ARMCX4: variants seen among roughly 807,000 people sequenced by gnomAD.
ARMCX4 encodes the protein armadillo repeat containing X-linked 4.
A neutral mutation model predicts 34.7 loss-of-function variants in ARMCX4; 3 were observed. That is an observed-to-expected ratio of 0.09 (90% CI 0.04 to 0.22). The LOEUF (loss-of-function observed/expected upper bound fraction) is 0.22. ARMCX4 is among the 10% of genes least tolerant of loss of function. ARMCX4 has a pLI of 1.00. For synonymous variants in ARMCX4, 513 were observed against 632.8 expected (o/e 0.81, Z 2.84); for missense variants, 1,448 against 1,720.8 (o/e 0.84, Z 2.81).
rs1335446924 is a variant in ARMCX4, at chrX:101,490,942, A to G, written c.2353A>G (p.Thr785Ala). The change falls in exon 6 of 6, where the codon ACA becomes GCA. Residue 785 changes from threonine (T) to alanine (A), a missense_variant. Transcript: ENST00000423738. ...TAAGGCAGAAGCTGGGATGGGTGCA[A>G]CAGGCTCTGTCCAGCCCCAGGCTGT... ...VSKAEAGMGA[T>A]GSVQPQAVAN... The G allele has an allele frequency of 1.7e-6, 2 of 1,152,330 alleles. No homozygotes were observed. The highest frequency in any genetic ancestry group is 1.1e-6 in the Non-Finnish European group (1 of 872,198). The allele number at this position is 1,152,330 out of a possible 1,213,427, so 95.0% of individuals were successfully genotyped here.
Position 101,491,784 on chromosome X carries a change from G to A in ARMCX4, c.3195G>A (p.Lys1065=), listed in dbSNP as rs782438503. ...CAGCAGAAGATGAGGCCTATGCAAA[G>A]CCTGAGGCTGAGGCCATGCCCACTT... The part of the protein sequence containing the change: ...EATAEDEAYA[K]PEAEAMPTSE... Residue 1065 remains lysine, a synonymous_variant, in exon 6 of 6, where the codon AAG becomes AAA. Coordinates refer to ENST00000423738, the MANE Select transcript of ARMCX4 (RefSeq NM_001256155.3). The A allele has an allele frequency of 5.2e-6, 6 of 1,155,843 alleles. No homozygotes were observed. The East Asian group carries it at 2.0e-4, about 38-fold the overall frequency.
intron 4 of ARMCX4, 58 bp from the exon 5 acceptor site, chrX:101,487,986 C>T: frequency 1.5e-6 from 1 of 660,546 alleles, no homozygotes; most frequent in Non-Finnish European, 2.1e-6. Context: ...ATCTGTCCCT[C>T]CATCTGTCTG....
In ARMCX4 at chrX:101,480,171, CACACAT is replaced by C. The variant is rs1315708953; in HGVS notation, c.-472-5850_-472-5845del. On this transcript the variant is annotated intron_variant and NMD_transcript_variant, in intron 4 of 15. Coordinates refer to the ARMCX4 transcript ENST00000433011. The stretch of plus-strand genomic sequence containing the variant: ...ACACACACACACACACACACACACA[CACACAT>C]ATATATGCAATGACCCAGAAGCCAT... 1.9e-4 allele frequency among the ~76,000 whole-genome samples: 20 copies of C among 105,367 alleles called. 1 individual carries two copies. The highest frequency in any genetic ancestry group is 6.6e-4 in the African/African-American group (18 of 27,314). The allele number at this position is 105,367 out of a possible 115,157, so 91.5% of individuals were successfully genotyped here.
chrX:101,495,478 C>A lies in ARMCX4; in HGVS notation c.*16C>A. Reference sequence around the variant, plus strand: ...TAAACTCTGATTGGCTGTATGTTCCCAAACAAATTTGAGTAATATTTTGGT... The same window carrying A: ...TAAACTCTGATTGGCTGTATGTTCCAAAACAAATTTGAGTAATATTTTGGT... On this transcript the variant is annotated 3_prime_UTR_variant, in exon 6 of 6. Transcript: ENST00000423738. 9.2e-7 allele frequency: 1 copy of A among 1,087,976 alleles called. No individual in the cohort carries two copies. Among genetic ancestry groups the A allele is most frequent in the South Asian group, 2.4e-5 (1 of 41,725 alleles). The allele number at this position is 1,087,976 out of a possible 1,213,427, so 89.7% of individuals were successfully genotyped here.
chrX:101,444,906 A>G (rs1931534664), intron 3 of ARMCX4, among the ~76,000 whole-genome samples: 1 of 111,507 alleles, frequency 9.0e-6, no homozygotes, highest in Non-Finnish European at 1.9e-5. Context: ...ATTATTGACT[A>G]TAATCACTAT....
intron 11 of ARMCX4, among the ~76,000 whole-genome samples, chrX:101,525,669 C>T (rs1039874065): frequency 2.0e-4 from 22 of 110,932 alleles, no homozygotes; most frequent in Admixed American, 2.9e-4. Flanking sequence ...AACTACATGA[C>T]GTATGTACAA....
intron 2 of ARMCX4, among the ~76,000 whole-genome samples, chrX:101,436,297 G>C (rs1370162928): frequency 1.8e-5 from 2 of 110,966 alleles, no homozygotes; most frequent in African/African-American, 6.5e-5. Flanking sequence ...TCTTCCATTT[G>C]TTTGTATCCT....
At chrX:101,438,758 T>G (rs1309933241) in intron 2 of ARMCX4, among the ~76,000 whole-genome samples, 1 of 111,456 alleles carries the variant, frequency 9.0e-6, no homozygotes, top group Admixed American at 9.6e-5. Context: ...CTTTGTTGGT[T>G]TAAAGTCTGT....
At chrX:101,526,914 A>T (rs1038604377) in intron 11 of ARMCX4, among the ~76,000 whole-genome samples, 18 of 111,782 alleles carry the variant, frequency 1.6e-4, no homozygotes, top group Non-Finnish European at 3.0e-4. Context: ...TCAACATTAG[A>T]TAGATCAATG....
intron 4 of ARMCX4, among the ~76,000 whole-genome samples, chrX:101,469,789 A>G (rs1932859446): frequency 9.0e-6 from 1 of 111,357 alleles, no homozygotes; most frequent in Admixed American, 9.5e-5. Context: ...ATTGAGGACT[A>G]GCTAAAATAG....
chrX:101,434,923 T>A (rs1300198355), intron 2 of ARMCX4, among the ~76,000 whole-genome samples: 1 of 110,175 alleles, frequency 9.1e-6, no homozygotes, highest in Non-Finnish European at 1.9e-5. Flanking sequence ...TTGCTGAGAA[T>A]GATGGTTTCC....
chrX:101,523,823 A>G (rs1934904990), intron 11 of ARMCX4, among the ~76,000 whole-genome samples: 1 of 112,261 alleles, frequency 8.9e-6, no homozygotes, highest in Non-Finnish European at 1.9e-5. Context: ...TTTTTCTCCT[A>G]CTTACTTGAC....
intron 11 of ARMCX4, among the ~76,000 whole-genome samples, chrX:101,515,744 G>T (rs1444604082): frequency 9.3e-6 from 1 of 107,606 alleles, no homozygotes; most frequent in African/African-American, 3.4e-5. Flanking sequence ...GTTTTGCTAT[G>T]TTGGTCAATC....
rs781978989 is a variant in ARMCX4, at chrX:101,471,436, G to C, written c.-472-14587G>C. Among the ~76,000 whole-genome samples the C allele has an allele frequency of 4.5e-5, 5 of 112,099 alleles. No individual in the cohort carries two copies. In the South Asian group the frequency reaches 1.8e-3, roughly 41 times the overall value. Reference sequence around the variant, plus strand: ...AATTTTTTATGCTAGAAACCTTATGGCTTTGGCTTCTACTTCTAGTATGCT... The same window carrying C: ...AATTTTTTATGCTAGAAACCTTATGCCTTTGGCTTCTACTTCTAGTATGCT... On this transcript the variant is annotated intron_variant and NMD_transcript_variant, in intron 4 of 15. Coordinates refer to the ARMCX4 transcript ENST00000433011.
chrX:101,419,465 CAAA>C (rs1192018691), intron 2 of ARMCX4, among the ~76,000 whole-genome samples: 1 of 111,935 alleles, frequency 8.9e-6, no homozygotes, highest in Non-Finnish European at 1.9e-5. Context: ...AATTATAACT[CAAA>C]GAAGCTCTTA....
At chrX:101,449,756 G>A (rs782227631), downstream of ARMCX4, among the ~76,000 whole-genome samples, 1 of 111,577 alleles carries the variant, frequency 9.0e-6, no homozygotes, top group Non-Finnish European at 1.9e-5. Flanking sequence ...TTCCCTAGAT[G>A]GTCTTGATGC....
At position 101,492,690 on chromosome X, in the gene ARMCX4, C is replaced by A. The variant is rs782063729; in HGVS notation, c.4101C>A (p.Gly1367=). 3.9e-5 allele frequency: 43 copies of A among 1,103,982 alleles called. No homozygotes were observed. The highest frequency in any genetic ancestry group is 2.0e-4 in the Admixed American group (7 of 35,066). The allele number at this position is 1,103,982 out of a possible 1,213,427, so 91.0% of individuals were successfully genotyped here. A position where few individuals can be genotyped will look rare whatever the true frequency, so the allele number is the denominator to read the frequency against. The change falls in exon 6 of 6, where the codon GGC becomes GGA. Residue 1367 remains glycine (G), a synonymous_variant. Coordinates refer to ENST00000423738, the MANE Select transcript of ARMCX4 (RefSeq NM_001256155.3). ...AAGCCAGTGGAGGGTCTAGGCTGGG[C>A]CACGTAGATCAGTCCAGTGGTGGGG... ...ADQASGGSRL[G]HVDQSSGGAW... is the part of the protein sequence containing the mutation.
intron 4 of ARMCX4, among the ~76,000 whole-genome samples, chrX:101,453,494 G>A (rs1007382989): frequency 1.8e-5 from 2 of 111,894 alleles, no homozygotes; most frequent in African/African-American, 3.3e-5. Context: ...AGGCTTTCAC[G>A]TGGTGCTGAT....
chrX:101,463,257 T>C (rs1932700058), intron 4 of ARMCX4, among the ~76,000 whole-genome samples: 1 of 111,532 alleles, frequency 9.0e-6, no homozygotes, highest in South Asian at 3.8e-4. Context: ...TCTAATATTG[T>C]CACACAAACA....
Sources: gnomAD v4.1 joint callset for allele counts (sites outside exome capture counted in the v4.1 genomes callset) on GRCh38, gnomAD v4.1.1 for gene constraint, MANE v1.5 for transcripts, NCBI Gene and HGNC (gene_info 2026-07-23, HGNC 2026-07-21) for gene names.